The following ANKH variants were observed in gnomAD, a reference collection of about 807,000 sequenced individuals.
ANKH encodes the protein ANKH inorganic pyrophosphate transport regulator.
ANKH carries 15 observed loss-of-function variants against 49.0 expected under a neutral mutation model. The ratio of observed to expected loss-of-function variants is 0.31; its 90% CI spans 0.20 to 0.47. ANKH has a LOEUF of 0.47. Ranked by LOEUF, ANKH falls within the 20% of genes least tolerant of loss-of-function variation. The pLI, the probability that ANKH is intolerant of heterozygous loss-of-function variation, is 1.00. For missense variants in ANKH, 429 were observed against 652.0 expected (o/e 0.66, Z 3.72); for synonymous variants, 273 against 260.0 (o/e 1.05, Z -0.48).
chr5:14,733,282 T>C (rs1051262651), intron 8 of ANKH, among the ~76,000 whole-genome samples: 2 of 152,194 alleles, frequency 1.3e-5, no homozygotes, highest in Admixed American at 1.3e-4. Flanking sequence ...CCCAGAAGAA[T>C]TTCATGGCAC....
Position 14,711,230 on chromosome 5 carries a change from T to C in ANKH, c.1446A>G (p.Thr482=), listed in dbSNP as rs920567689. The change falls in exon 12 of 12, where the codon ACA becomes ACG. Residue 482 remains threonine (T), a synonymous_variant. Transcript: ENST00000284268. ...MTDMPPTEEV[T]DIVEMREENE ...TCTCCTCTCTCATTTCCACGATGTC[T>C]GTCACCTCCTCTGTCGGAGGCATGT... is the stretch of plus-strand genomic sequence containing the variant. 6.2e-7 allele frequency: 1 copy of C among 1,614,038 alleles called. No homozygotes were observed. The highest frequency in any genetic ancestry group is 1.3e-5 in the African/African-American group (1 of 74,944).
intron 8 of ANKH, among the ~76,000 whole-genome samples, chr5:14,739,164 C>T (rs566838939): frequency 6.6e-6 from 1 of 152,288 alleles, no homozygotes; most frequent in Admixed American, 6.5e-5. Flanking sequence ...TGCCTGTAAT[C>T]CCAGCACTTT....
At chr5:14,794,768 C>T (rs910739704) in intron 1 of ANKH, among the ~76,000 whole-genome samples, 9 of 152,206 alleles carry the variant, frequency 5.9e-5, no homozygotes, top group Admixed American at 3.3e-4. Context: ...ACTGGTAAAC[C>T]AACATGTGGA....
intron 1 of ANKH, among the ~76,000 whole-genome samples, chr5:14,801,610 G>A (rs972233325): frequency 6.6e-6 from 1 of 152,158 alleles, no homozygotes; most frequent in Non-Finnish European, 1.5e-5. Flanking sequence ...AAATGTTTTT[G>A]CCTACAGAAC....
chr5:14,720,724 A>G (rs778769045), intron 8 of ANKH, among the ~76,000 whole-genome samples: 4 of 152,220 alleles, frequency 2.6e-5, no homozygotes, highest in Non-Finnish European at 5.9e-5. Context: ...ACATACTACT[A>G]AAAACCTTAA....
At chr5:14,809,214 T>C (rs1350478610) in intron 1 of ANKH, among the ~76,000 whole-genome samples, 26 of 114,130 alleles carry the variant, frequency 2.3e-4, no homozygotes, top group East Asian at 1.1e-3. Flanking sequence ...AGGGATAGCA[T>C]TGGGAGATAT....
intron 1 of ANKH, among the ~76,000 whole-genome samples, chr5:14,848,341 C>T (rs1028724958): frequency 1.3e-5 from 2 of 152,176 alleles, no homozygotes; most frequent in African/African-American, 2.4e-5. Flanking sequence ...AATCATCTAT[C>T]GCCTGAGAGC....
chr5:14,815,746 G>A (rs115068888), intron 1 of ANKH, among the ~76,000 whole-genome samples: 77 of 152,330 alleles, frequency 5.1e-4, no homozygotes, highest in Non-Finnish European at 8.1e-4. Flanking sequence ...CAGGGGCCAT[G>A]AGCCACACAG....
chr5:14,798,415 C>T, intron 1 of ANKH: 1 of 1,550,954 alleles, frequency 6.4e-7, no homozygotes, highest in Non-Finnish European at 8.8e-7. Flanking sequence ...GGCAGGCGAG[C>T]CGGGGGAATC....
intron 1 of ANKH, among the ~76,000 whole-genome samples, chr5:14,839,840 A>T (rs1173058357): frequency 2.6e-5 from 4 of 152,208 alleles, no homozygotes; most frequent in Non-Finnish European, 5.9e-5. Flanking sequence ...GTGGGAAGAG[A>T]TGTAAAGATG....
At chr5:14,838,928 G>A (rs1447472857) in intron 1 of ANKH, among the ~76,000 whole-genome samples, 2 of 152,122 alleles carry the variant, frequency 1.3e-5, no homozygotes, top group African/African-American at 4.8e-5. Flanking sequence ...CCACGTGAAG[G>A]CAAAGACCTG....
chr5:14,721,734 T>G (rs569597157), intron 8 of ANKH, among the ~76,000 whole-genome samples: 2 of 151,862 alleles, frequency 1.3e-5, no homozygotes, highest in Non-Finnish European at 2.9e-5. Flanking sequence ...ATCGAGACCA[T>G]CCTGGCTAAC....
At chr5:14,871,024 G>C (rs1438235014) in intron 1 of ANKH, 2 of 421,036 alleles carry the variant, frequency 4.8e-6, no homozygotes, top group African/African-American at 4.1e-5. Context: ...TAAGCTACTA[G>C]AAACTACATT....
intron 1 of ANKH, among the ~76,000 whole-genome samples, chr5:14,789,996 C>T (rs1173302973): frequency 6.6e-6 from 1 of 152,178 alleles, no homozygotes; most frequent in Non-Finnish European, 1.5e-5. Flanking sequence ...AGGCGTGAGC[C>T]ACCAGGCCCA....
intron 1 of ANKH, among the ~76,000 whole-genome samples, chr5:14,835,565 T>G (rs1257860506): frequency 6.6e-6 from 1 of 152,206 alleles, no homozygotes; most frequent in South Asian, 2.1e-4. Flanking sequence ...TGGGTTACTA[T>G]GCGTTTCTGG....
At chr5:14,742,601 T>C (rs1185829380) in intron 7 of ANKH, among the ~76,000 whole-genome samples, 1 of 152,194 alleles carries the variant, frequency 6.6e-6, no homozygotes, top group African/African-American at 2.4e-5. Flanking sequence ...CCCCACCTCC[T>C]GTAAAGCCTG....
In ANKH at chr5:14,865,288, A is replaced by C. The variant is rs181032224; in HGVS notation, c.96+6064T>G. ...AAAATAATAATAATGATAATAAATT[A>C]AATAAAATAATAAATTGGCAGGAGA... On this transcript the variant is annotated intron_variant, in intron 1 of 11. Transcript: ENST00000284268. 2.8e-3 allele frequency among the ~76,000 whole-genome samples: 420 copies of C among 152,292 alleles called. 2 individuals carry two copies. Among genetic ancestry groups the C allele is most frequent in the African/African-American group, 9.7e-3 (403 of 41,576 alleles).
At chr5:14,848,662 G>A (rs1054139864) in intron 1 of ANKH, among the ~76,000 whole-genome samples, 1 of 152,184 alleles carries the variant, frequency 6.6e-6, no homozygotes, top group African/African-American at 2.4e-5. Context: ...CATTGTTCCT[G>A]TGCAGCTAAG....
intron 1 of ANKH, among the ~76,000 whole-genome samples, chr5:14,772,414 G>A (rs547887569): frequency 7.5e-4 from 114 of 152,034 alleles, no homozygotes; most frequent in Non-Finnish European, 6.8e-4. Flanking sequence ...TTTCTGACTC[G>A]GTATTATATA....
Sources: allele counts gnomAD v4.1 joint callset (sites outside exome capture counted in the v4.1 genomes callset), GRCh38; gene constraint gnomAD v4.1.1; transcripts MANE v1.5; gene names NCBI Gene and HGNC (gene_info 2026-07-23, HGNC 2026-07-21).